The following CAPN9 variants were observed in gnomAD, a reference collection of about 807,000 sequenced individuals.
The protein encoded by CAPN9 is calpain-9.
A neutral mutation model predicts 92.8 loss-of-function variants in CAPN9; 81 were observed. The observed-to-expected ratio is 0.87, with a 90% CI of 0.73 to 1.05. The LOEUF (loss-of-function observed/expected upper bound fraction) is 1.05, where lower values mean the gene tolerates loss of function less well. Among genes scored for constraint, CAPN9 ranks in the 50% least tolerant of loss-of-function variants. The probability of loss-of-function intolerance (pLI) is 0.00; values close to 1 mark genes in which losing one functional copy is unlikely to be tolerated. For synonymous variants in CAPN9, 304 were observed against 328.0 expected (o/e 0.93, Z 0.79); for missense variants, 848 against 866.2 (o/e 0.98, Z 0.26).
At chr1:230,768,722 T>C (rs1248786123) in intron 5 of CAPN9, among the ~76,000 whole-genome samples, 1 of 152,178 alleles carries the variant, frequency 6.6e-6, no homozygotes, top group Non-Finnish European at 1.5e-5. Flanking sequence ...TTTAATCAAT[T>C]CTAGTTTTCT....
At chr1:230,794,587 C>T (rs28359724) in intron 17 of CAPN9, among the ~76,000 whole-genome samples, 3,101 of 152,314 alleles carry the variant, frequency 0.02, 114 homozygotes, top group African/African-American at 0.07. Context: ...CCATATGCCA[C>T]GGCTGGAGCA....
At chr1:230,774,207 C>T (rs1047164900) in intron 7 of CAPN9, among the ~76,000 whole-genome samples, 3 of 152,244 alleles carry the variant, frequency 2.0e-5, no homozygotes, top group African/African-American at 7.2e-5. Flanking sequence ...AGGCCAAGCA[C>T]GAAAGTCAGC....
rs1439618017 is a variant in CAPN9, at chr1:230,787,564, C to G, written c.1561C>G (p.Gln521Glu). 4 of 1,614,076 alleles carry G rather than the reference C, an allele frequency of 2.5e-6. No individual in the cohort carries two copies. Among genetic ancestry groups the G allele is most frequent in the Non-Finnish European group, 3.4e-6 (4 of 1,179,946 alleles). Reference sequence around the variant, plus strand: ...ACCTGACCAGGAGACAGAGGAGGAGCAGCGGTTTCGGGCTCTGTTTGAACA... The same window carrying G: ...ACCTGACCAGGAGACAGAGGAGGAGGAGCGGTTTCGGGCTCTGTTTGAACA... ...TPPDQETEEE[Q>E]RFRALFEQVA... is the part of the protein sequence containing the mutation. The change falls in exon 13 of 20, where the codon CAG (glutamine) becomes GAG (glutamate). Residue 521 changes from glutamine (Q) to glutamate (E), a missense_variant. Transcript: ENST00000271971.
chr1:230,775,415 T>G (rs749172384), intron 8 of CAPN9, among the ~76,000 whole-genome samples: 4 of 152,230 alleles, frequency 2.6e-5, no homozygotes, highest in Non-Finnish European at 5.9e-5. Context: ...GGACTTTCCC[T>G]TGGCCTGAAT....
chr1:230,772,988 G>C (rs1252181992), intron 7 of CAPN9, among the ~76,000 whole-genome samples: 1 of 151,970 alleles, frequency 6.6e-6, no homozygotes, highest in African/African-American at 2.4e-5. Context: ...TCCGCTGCTT[G>C]TTGGGCTCCT....
intron 17 of CAPN9, among the ~76,000 whole-genome samples, chr1:230,794,711 C>T (rs1668230729): frequency 6.6e-6 from 1 of 152,122 alleles, no homozygotes; most frequent in Non-Finnish European, 1.5e-5. Context: ...GCAGCATCCC[C>T]TCCAAGAAAC....
chr1:230,782,359 T>A (rs957358204), intron 11 of CAPN9, among the ~76,000 whole-genome samples: 9 of 152,188 alleles, frequency 5.9e-5, no homozygotes, highest in Non-Finnish European at 1.3e-4. Context: ...ATGTTATGGA[T>A]GCCCAGGGGA....
chr1:230,766,045 A>G (rs1009447173), intron 4 of CAPN9, among the ~76,000 whole-genome samples: 2 of 151,912 alleles, frequency 1.3e-5, no homozygotes, highest in Non-Finnish European at 2.9e-5. Context: ...GGGGAGCTTT[A>G]CCTCTCCGGT....
At chr1:230,798,080 GAAGGCCCTTTGGTC>G in intron 18 of CAPN9, 68 bp from the exon 19 acceptor site, 1 of 993,220 alleles carries the variant, frequency 1.0e-6, no homozygotes, top group Non-Finnish European at 1.6e-6. Context: ...GGCTCCACTG[GAAGGCCCTTTGGTC>G]GCTGGGAAAC....
intron 6 of CAPN9, among the ~76,000 whole-genome samples, chr1:230,770,159 G>A (rs970102922): frequency 2.6e-5 from 4 of 152,104 alleles, no homozygotes; most frequent in African/African-American, 7.2e-5. Flanking sequence ...GAAGTCCCAC[G>A]ATCTGCTCTC....
chr1:230,788,031 AT>A (rs1191740985), intron 13 of CAPN9, among the ~76,000 whole-genome samples: 2 of 152,154 alleles, frequency 1.3e-5, no homozygotes, highest in Non-Finnish European at 2.9e-5. Flanking sequence ...AATTAAAAAA[AT>A]AAATAATAAA....
intron 13 of CAPN9, among the ~76,000 whole-genome samples, chr1:230,787,931 C>T (rs1667722058): frequency 6.6e-6 from 1 of 152,216 alleles, no homozygotes; most frequent in African/African-American, 2.4e-5. Flanking sequence ...GCCTAGCTCA[C>T]TGCAGCCTCA....
intron 18 of CAPN9, among the ~76,000 whole-genome samples, 192 bp from the exon 19 acceptor site, chr1:230,797,970 C>A (rs1056195313): frequency 6.6e-6 from 1 of 152,142 alleles, no homozygotes; most frequent in Admixed American, 6.5e-5. Flanking sequence ...TGCCTCCATC[C>A]GTTCAGAGAA....
intron 1 of CAPN9, among the ~76,000 whole-genome samples, chr1:230,750,759 G>A (rs1439550318): frequency 2.0e-5 from 3 of 152,180 alleles, no homozygotes; most frequent in Non-Finnish European, 4.4e-5. Flanking sequence ...AAGCCAAGGG[G>A]ACATTGGAGG....
At chr1:230,780,834 G>A (rs1667169053) in intron 11 of CAPN9, 126 bp downstream of exon 11, 4 of 656,828 alleles carry the variant, frequency 6.1e-6, no homozygotes, top group East Asian at 2.7e-5. Context: ...GAGAAACAAG[G>A]CAGGATGGTT....
intron 18 of CAPN9, among the ~76,000 whole-genome samples, chr1:230,796,367 TA>T (rs1668359309): frequency 1.4e-5 from 2 of 143,974 alleles, no homozygotes; most frequent in Non-Finnish European, 3.1e-5. Context: ...AATAAATAAA[TA>T]AATAATAAAA....
Position 230,784,788 on chromosome 1 carries a change from G to A in CAPN9, c.1482-1193G>A, listed in dbSNP as rs553483201. Among the ~76,000 whole-genome samples, 8 of 152,362 alleles carry A rather than the reference G, an allele frequency of 5.3e-5. No individual in the cohort carries two copies. In the East Asian group the frequency reaches 9.6e-4, roughly 18 times the overall value. On this transcript the variant is annotated intron_variant, in intron 11 of 19. Coordinates refer to ENST00000271971, the MANE Select transcript of CAPN9 (RefSeq NM_006615.3). Reference sequence around the variant, plus strand: ...GGGGAAATGTGAGGTTCAAGGTCTCGCACAGAGTCCCCACTGGGGTACTGC... The same window carrying A: ...GGGGAAATGTGAGGTTCAAGGTCTCACACAGAGTCCCCACTGGGGTACTGC...
Position 230,780,498 on chromosome 1 carries a change from AGTGCCCTGACAAAGAC to A in CAPN9, c.1273_1288del (p.Cys425AsnfsTer3), listed in dbSNP as rs770568445. On this transcript the variant is annotated splice_acceptor_variant and coding_sequence_variant, in exon 11 of 20. Coordinates refer to ENST00000271971, the MANE Select transcript of CAPN9 (RefSeq NM_006615.3). LOFTEE classifies it high-confidence loss of function. ...AACCCCTCCCTTTCTTGCCCATTGC[AGTGCCCTGACAAAGAC>A]GAACACCTGAACAAAGACTTCTTCA... is the stretch of plus-strand genomic sequence containing the variant. 66 of 1,613,826 alleles carry A rather than the reference AGTGCCCTGACAAAGAC, an allele frequency of 4.1e-5. No individual in the cohort carries two copies. The highest frequency in any genetic ancestry group is 5.0e-5 in the Admixed American group (3 of 59,986).
chr1:230,801,537 A>C, intron 19 of CAPN9, 33 bp from the exon 20 acceptor site: 1 of 1,612,142 alleles, frequency 6.2e-7, no homozygotes, highest in South Asian at 1.1e-5. Context: ...ATGGAAGGAC[A>C]ACGACCCCTC....
Sources: gnomAD v4.1 joint callset for allele counts (sites outside exome capture counted in the v4.1 genomes callset) on GRCh38, gnomAD v4.1.1 for gene constraint, MANE v1.5 for transcripts, NCBI Gene and HGNC (gene_info 2026-07-23, HGNC 2026-07-21) for gene names.